JAK3: variants seen among roughly 807,000 people sequenced by gnomAD.
JAK3 encodes Janus kinase 3.
A neutral mutation model predicts 120.8 loss-of-function variants in JAK3; 88 were observed. The ratio of observed to expected loss-of-function variants is 0.73; its 90% CI spans 0.61 to 0.87. JAK3 has a LOEUF of 0.87. JAK3 is among the 40% of genes least tolerant of loss of function. The probability of loss-of-function intolerance (pLI) is 0.00; values close to 1 mark genes in which losing one functional copy is unlikely to be tolerated. For synonymous variants in JAK3, 592 were observed against 628.6 expected (o/e 0.94, Z 0.87); for missense variants, 1,254 against 1,501.4 (o/e 0.84, Z 2.72).
At position 17,839,601 on chromosome 19, in the gene JAK3, A is replaced by G. The variant is rs1434058161; in HGVS notation, c.1317T>C (p.Leu439=). Residue 439 remains leucine (L), a synonymous_variant, in exon 10 of 24, where the codon CTT becomes CTC. Coordinates refer to ENST00000458235, the MANE Select transcript of JAK3 (RefSeq NM_000215.4). The part of the protein sequence containing the change: ...LIRRSPTGTF[L]LVGLSRPHSS... ...TGTGGGGTCGGCTGAGGCCAACCAG[A>G]AGGAAGGTTCCTGTGGGGCTGCGCC... 1.2e-6 allele frequency: 2 copies of G among 1,612,428 alleles called. No individual in the cohort carries two copies. The highest frequency in any genetic ancestry group is 1.7e-6 in the Non-Finnish European group (2 of 1,179,580).
At chr19:17,829,784 C>T in intron 23 of JAK3, 1 of 456,312 alleles carries the variant, frequency 2.2e-6, no homozygotes, top group Non-Finnish European at 3.9e-6. Context: ...AAAAAAAAAC[C>T]ATGAACGTCA....
At position 17,832,952 on chromosome 19, in the gene JAK3, G is replaced by A. The variant is rs1281553549; in HGVS notation, c.2351-23C>T. ...AGTCTGGGGTGGGGGCATGGGCAGT[G>A]GTAAGCAGCGCCTCTCATCCTGGGC... On this transcript the variant is annotated intron_variant, in intron 17 of 23. Transcript: ENST00000458235. The surrounding 1 kb of genome is among the most constrained non-coding windows in gnomAD (Gnocchi z 4.7). The A allele has an allele frequency of 1.2e-6, 2 of 1,604,758 alleles. No homozygotes were observed. The highest frequency in any genetic ancestry group is 2.2e-5 in the South Asian group (2 of 90,080).
At position 17,825,900 on chromosome 19, in the gene JAK3, CAAAAAAAAAAAA is replaced by C; in HGVS notation, c.*831_*842del. On this transcript the variant is annotated 3_prime_UTR_variant, in exon 24 of 24. Transcript: ENST00000458235. ...TGGGCGACAGAGCGAGACTCCGTCT[CAAAAAAAAAAAA>C]AAAAAAAAAGCTACATGAATGTCCC... 1 of 52,850 alleles carries C rather than the reference CAAAAAAAAAAAA, an allele frequency of 1.9e-5. No individual in the cohort carries two copies. The highest frequency in any genetic ancestry group is 5.0e-4 in the East Asian group (1 of 2,000). The allele number at this position is 52,850 out of a possible 1,614,324, so 3.3% of individuals were successfully genotyped here. A position where few individuals can be genotyped will look rare whatever the true frequency, so the allele number is the denominator to read the frequency against.
Position 17,831,787 on chromosome 19 carries a change from G to A in JAK3, c.2692C>T (p.Leu898=), listed in dbSNP as rs202043320. Reference sequence around the variant, plus strand: ...GGCAGGTACTCCATGACCAGCCGCAGGCTCTGGCGGCCTGGAGAAGGCAGG... The same window carrying A: ...GGCAGGTACTCCATGACCAGCCGCAAGCTCTGGCGGCCTGGAGAAGGCAGG... The part of the protein sequence containing the change: ...GVSYGPGRQS[L]RLVMEYLPSG... Residue 898 remains leucine (L), a synonymous_variant, in exon 20 of 24, where the codon CTG becomes TTG. Transcript: ENST00000458235. This position sits in a 1 kb window ranked among gnomAD's most constrained non-coding sequence, Gnocchi z 5.1. 1.3e-5 allele frequency: 21 copies of A among 1,612,736 alleles called. No individual in the cohort carries two copies. Among genetic ancestry groups the A allele is most frequent in the Non-Finnish European group, 2.5e-6 (3 of 1,179,872 alleles).
intron 23 of JAK3, 118 bp from the exon 24 acceptor site, chr19:17,827,028 G>A (rs1469885245): frequency 8.1e-6 from 9 of 1,117,558 alleles, no homozygotes; most frequent in Non-Finnish European, 8.9e-6. Context: ...TGTCCAGGCT[G>A]GAGTGCAATG....
chr19:17,842,262 T>G lies in JAK3; in HGVS notation c.861+54A>C, dbSNP rs1247704596. On this transcript the variant is annotated intron_variant, in intron 6 of 23. Coordinates refer to ENST00000458235, the MANE Select transcript of JAK3 (RefSeq NM_000215.4). The surrounding 1 kb of genome is among the most constrained non-coding windows in gnomAD (Gnocchi z 6.4). Reference sequence around the variant, plus strand: ...ACATCCCCTACCACTCTCCGGCCCCTCCCCGAGCCCCGCCCCCACGTTGGC... The same window carrying G: ...ACATCCCCTACCACTCTCCGGCCCCGCCCCGAGCCCCGCCCCCACGTTGGC... 2,702 of 540,706 alleles carry G rather than the reference T, an allele frequency of 5.0e-3. No individual in the cohort carries two copies. Among genetic ancestry groups the G allele is most frequent in the Non-Finnish European group, 6.4e-3 (2,316 of 361,310 alleles). 33.5% of individuals were successfully genotyped at this position (540,706 alleles called of 1,614,324 possible).
At position 17,826,683 on chromosome 19, in the gene JAK3, C is replaced by T. The variant is rs1378001709; in HGVS notation, c.*60G>A. 5.7e-6 allele frequency: 9 copies of T among 1,582,108 alleles called. No homozygotes were observed. Among genetic ancestry groups the T allele is most frequent in the South Asian group, 3.3e-5 (3 of 90,386 alleles). On this transcript the variant is annotated 3_prime_UTR_variant, in exon 24 of 24. Coordinates refer to ENST00000458235, the MANE Select transcript of JAK3 (RefSeq NM_000215.4). ...TCTGAGGCCCAGAGAGGGGCAGCTC[C>T]GGGCCTAAGGTCACACAGCCAGTCA...
rs886054280 is a variant in JAK3 at position 17,843,895 on chromosome 19, G to A, written c.190C>T (p.Leu64=). The change falls in exon 3 of 24, where the codon CTG becomes TTG. Residue 64 remains leucine (L), a synonymous_variant. Transcript: ENST00000458235. The surrounding 1 kb of genome is among the most constrained non-coding windows in gnomAD (Gnocchi z 5.4). The part of the protein sequence containing the change: ...CVQAAKASGI[L]PVYHSLFALA... ...GCAAAGAGGGAGTGGTACACAGGCAGGATGCCTACAGGGGATGGTCCCATC... is the reference window on the plus strand; with the variant it reads ...GCAAAGAGGGAGTGGTACACAGGCAAGATGCCTACAGGGGATGGTCCCATC... The A allele has an allele frequency of 2.5e-6, 4 of 1,613,618 alleles. No individual in the cohort carries two copies. The East Asian group carries it at 6.7e-5, about 27-fold the overall frequency.
chr19:17,843,915 C>A lies in JAK3; in HGVS notation c.185-15G>T, dbSNP rs969923432. ...AGGCAGGATGCCTACAGGGGATGGTCCCATCAGCTCCCTCCTGAGTCACCC... is the reference window on the plus strand; with the variant it reads ...AGGCAGGATGCCTACAGGGGATGGTACCATCAGCTCCCTCCTGAGTCACCC... On this transcript the variant is annotated splice_polypyrimidine_tract_variant and intron_variant, in intron 2 of 23. Transcript: ENST00000458235. The surrounding 1 kb of genome is among the most constrained non-coding windows in gnomAD (Gnocchi z 5.4). 3.1e-6 allele frequency: 5 copies of A among 1,613,136 alleles called. No homozygotes were observed. The highest frequency in any genetic ancestry group is 1.7e-5 in the Admixed American group (1 of 59,938).
chr19:17,836,428 G>A (rs533874090), intron 13 of JAK3, among the ~76,000 whole-genome samples: 3 of 152,224 alleles, frequency 2.0e-5, no homozygotes, highest in African/African-American at 4.8e-5. Context: ...AACTACAGGC[G>A]CATGCCACCA....
Position 17,826,789 on chromosome 19 carries a change from A to G in JAK3, c.3329T>C (p.Phe1110Ser). The change falls in exon 24 of 24, where the codon TTC becomes TCC. Residue 1110 changes from phenylalanine (F) to serine (S), a missense_variant. Phe to Ser is a radical substitution (Grantham distance 155). Transcript: ENST00000458235. ...SGSRGCETHA[F>S]TAHPEGKHHS... ...GTGTTTGCCCTCTGGGTGAGCAGTG[A>G]AGGCATGAGTCTCACACCCCCGGCT... 1.2e-6 allele frequency: 2 copies of G among 1,614,104 alleles called. No individual in the cohort carries two copies. Among genetic ancestry groups the G allele is most frequent in the Non-Finnish European group, 1.7e-6 (2 of 1,179,998 alleles).
rs2094232417 is a variant in JAK3, at chr19:17,839,523, A to C, written c.1395T>G (p.Asp465Glu). The C allele has an allele frequency of 6.2e-7, 1 of 1,600,014 alleles. No individual in the cohort carries two copies. The highest frequency in any genetic ancestry group is 8.5e-7 in the Non-Finnish European group (1 of 1,173,328). The part of the protein sequence containing the change: ...ATCWDGGLHV[D>E]GVAVTLTSCC... ...AGGAAGTGAGGGTCACTGCCACCCCATCTACGTGCAGCCCCCCATCCCAGC... is the reference window on the plus strand; with the variant it reads ...AGGAAGTGAGGGTCACTGCCACCCCCTCTACGTGCAGCCCCCCATCCCAGC... Residue 465 changes from aspartate to glutamate, a missense_variant, in exon 10 of 24, where the codon GAT becomes GAG. This residue lies in a region of JAK3 where 486 missense variants were observed against 503.0 expected (regional missense o/e 0.97). Coordinates refer to ENST00000458235, the MANE Select transcript of JAK3 (RefSeq NM_000215.4).
chr19:17,840,607 CA>C (rs11447311), intron 8 of JAK3, among the ~76,000 whole-genome samples: 1 of 151,566 alleles, frequency 6.6e-6, no homozygotes. Context: ...ACTGAAAATA[CA>C]AAAAAATAGC....
chr19:17,847,674 C>T (rs2094255300), intron 1 of JAK3, among the ~76,000 whole-genome samples: 3 of 152,194 alleles, frequency 2.0e-5, no homozygotes, highest in Admixed American at 2.0e-4. Flanking sequence ...CCTCCCCACC[C>T]CCAACCCCGC....
chr19:17,837,243 C>T (rs1272803415), intron 12 of JAK3, 30 bp from the exon 13 acceptor site: 4 of 1,530,540 alleles, frequency 2.6e-6, no homozygotes, highest in African/African-American at 2.8e-5. Flanking sequence ...AGAGAAGATG[C>T]GTGGGTTTCT....
Position 17,831,472 on chromosome 19 carries a change from G to C in JAK3, c.2806-72C>G. ...CGGCAGGTACCCCAAGCGTGACCTG[G>C]CACCCCAACCCAGACCCCAACTATA... On this transcript the variant is annotated intron_variant, in intron 20 of 23. Coordinates refer to ENST00000458235, the MANE Select transcript of JAK3 (RefSeq NM_000215.4). This position sits in a 1 kb window ranked among gnomAD's most constrained non-coding sequence, Gnocchi z 5.1. 1 of 1,578,966 alleles carries C rather than the reference G, an allele frequency of 6.3e-7. No individual in the cohort carries two copies. Among genetic ancestry groups the C allele is most frequent in the Non-Finnish European group, 8.6e-7 (1 of 1,163,312 alleles).
At chr19:17,840,796 G>A (rs1042125592) in intron 8 of JAK3, among the ~76,000 whole-genome samples, 6 of 151,882 alleles carry the variant, frequency 4.0e-5, no homozygotes, top group Non-Finnish European at 8.8e-5. Flanking sequence ...TCAGCCGTAA[G>A]TCTTGGCCTC....
Position 17,831,935 on chromosome 19 carries a change from C to T in JAK3, c.2681-137G>A. On this transcript the variant is annotated intron_variant, in intron 19 of 23. Transcript: ENST00000458235. The surrounding 1 kb of genome is among the most constrained non-coding windows in gnomAD (Gnocchi z 5.1). ...TAATATGGGAACCGCAACAATGACA[C>T]ATTGCTAATATCTCTTGAGTACTTT... 1 of 1,014,486 alleles carries T rather than the reference C, an allele frequency of 9.9e-7. No homozygotes were observed. The highest frequency in any genetic ancestry group is 1.5e-6 in the Non-Finnish European group (1 of 664,646). 62.8% of individuals were successfully genotyped at this position (1,014,486 alleles called of 1,614,324 possible).
In JAK3 at chr19:17,838,301, T is replaced by C. The variant is rs929313993; in HGVS notation, c.1531A>G (p.Met511Val). ...TCAGCAGGGATCTTGTGAAATGTCATCTGACTCAGCTGGTATTGGGATTGG... is the reference window on the plus strand; with the variant it reads ...TCAGCAGGGATCTTGTGAAATGTCACCTGACTCAGCTGGTATTGGGATTGG... ...QPQSQYQLSQ[M>V]TFHKIPADSL... is the part of the protein sequence containing the mutation. Residue 511 changes from methionine to valine, a missense_variant, in exon 11 of 24, where the codon ATG (methionine) becomes GTG (valine). Around this residue, in one of 3 missense-constraint regions of JAK3, gnomAD observed 486 missense variants for 503.0 expected, o/e 0.97. Coordinates refer to ENST00000458235, the MANE Select transcript of JAK3 (RefSeq NM_000215.4). 10 of 1,614,018 alleles carry C rather than the reference T, an allele frequency of 6.2e-6. No homozygotes were observed. Among genetic ancestry groups the C allele is most frequent in the Non-Finnish European group, 8.5e-6 (10 of 1,180,036 alleles).
Sources: gnomAD v4.1 joint callset for allele counts (sites outside exome capture counted in the v4.1 genomes callset) on GRCh38, gnomAD v4.1.1 for gene constraint, gnomAD v4.1.1 regional missense constraint, Gnocchi (gnomAD v3.1) non-coding constraint, MANE v1.5 for transcripts, NCBI Gene and HGNC (gene_info 2026-07-23, HGNC 2026-07-21) for gene names.